The following CCND3 variants were observed in gnomAD, a reference collection of about 807,000 sequenced individuals.
CCND3 encodes the protein cyclin D3.
Under a neutral mutation model 28.7 loss-of-function variants are expected in CCND3, and 9 were observed. The observed-to-expected ratio is 0.31, with a 90% confidence interval of 0.19 to 0.55. The LOEUF (loss-of-function observed/expected upper bound fraction) is 0.55. Among genes scored for constraint, CCND3 ranks in the 20% least tolerant of loss-of-function variants. The probability of loss-of-function intolerance (pLI) is 0.93; values close to 1 mark genes in which losing one functional copy is unlikely to be tolerated. For synonymous variants in CCND3, 164 were observed against 163.9 expected, an observed-to-expected ratio of 1.00 and a Z score of 0.00; for missense variants, 315 against 385.8, an observed-to-expected ratio of 0.82 and a Z score of 1.54.
intron 1 of CCND3, among the ~76,000 whole-genome samples, chr6:41,992,930 A>G (rs1762697468): frequency 6.6e-6 from 1 of 152,010 alleles, no homozygotes; most frequent in Non-Finnish European, 1.5e-5. Flanking sequence ...GTTTTTAAAG[A>G]TGGAGTCTCA....
At chr6:41,940,071 G>A (rs1400538036) in intron 2 of CCND3, among the ~76,000 whole-genome samples, 1 of 152,198 alleles carries the variant, frequency 6.6e-6, no homozygotes, top group Non-Finnish European at 1.5e-5. Context: ...GTACTAGTGA[G>A]TGTAGACATG....
intron 1 of CCND3, among the ~76,000 whole-genome samples, chr6:41,991,490 G>A (rs1012802964): frequency 1.1e-4 from 16 of 152,130 alleles, no homozygotes; most frequent in Non-Finnish European, 2.4e-4. Context: ...CATAATAATT[G>A]TACATATTTA....
At chr6:41,947,416 C>T (rs1399783352) in intron 1 of CCND3, among the ~76,000 whole-genome samples, 4 of 151,970 alleles carry the variant, frequency 2.6e-5, no homozygotes, top group Admixed American at 1.3e-4. Context: ...TTCTCCAAAA[C>T]TGATATCCTA....
chr6:41,960,353 A>C (rs1296503433), intron 1 of CCND3, among the ~76,000 whole-genome samples: 1 of 152,238 alleles, frequency 6.6e-6, no homozygotes, highest in Non-Finnish European at 1.5e-5. Flanking sequence ...CTAAAAACTA[A>C]AAAGATTGTA....
chr6:42,034,332 G>A (rs1171429213), intron 1 of CCND3, among the ~76,000 whole-genome samples: 2 of 151,372 alleles, frequency 1.3e-5, no homozygotes, highest in East Asian at 3.9e-4. Context: ...ATTTTTAGTA[G>A]AGACAGGGTT....
rs756412695 is a variant in CCND3, at chr6:41,936,604, C to T, written c.666G>A (p.Gly222=). 4 of 1,614,194 alleles carry T rather than the reference C, an allele frequency of 2.5e-6. No homozygotes were observed. The South Asian group carries it at 3.3e-5, about 13-fold the overall frequency. The change falls in exon 4 of 5, where the codon GGG becomes GGA. Residue 222 remains glycine (G), a synonymous_variant. Transcript: ENST00000372991. This position sits in a 1 kb window ranked among gnomAD's most constrained non-coding sequence, Gnocchi z 4.4. ...VQGLGACSMS[G]DELTELLAGI... is the part of the protein sequence containing the mutation. Reference sequence around the variant, plus strand: ...CTGCCAGCAGCTCTGTGAGCTCATCCCCGGACATGGAGCAGGCACCCAGGC... The same window carrying T: ...CTGCCAGCAGCTCTGTGAGCTCATCTCCGGACATGGAGCAGGCACCCAGGC...
chr6:42,020,489 G>C (rs1305833222), intron 1 of CCND3, among the ~76,000 whole-genome samples: 1 of 152,124 alleles, frequency 6.6e-6, no homozygotes, highest in Non-Finnish European at 1.5e-5. Flanking sequence ...GCCCTCCCCA[G>C]ATCTAGACAC....
At chr6:42,049,202 ATTTTGTGTAT>A (rs1764651257), upstream of CCND3, among the ~76,000 whole-genome samples, 2 of 151,994 alleles carry the variant, frequency 1.3e-5, no homozygotes, top group South Asian at 4.2e-4. Context: ...CGCCCGGCTA[ATTTTGTGTAT>A]TTTTAGTAGA....
At chr6:41,968,838 C>T (rs1361432329) in intron 1 of CCND3, among the ~76,000 whole-genome samples, 1 of 152,262 alleles carries the variant, frequency 6.6e-6, no homozygotes, top group Non-Finnish European at 1.5e-5. Flanking sequence ...CGGAGTCTCA[C>T]TCTGTCACCC....
chr6:41,958,131 G>C (rs910134611), intron 1 of CCND3, among the ~76,000 whole-genome samples: 2 of 151,320 alleles, frequency 1.3e-5, no homozygotes, highest in African/African-American at 4.9e-5. Context: ...TGAGTAGCTG[G>C]GACTACAGTT....
At chr6:41,947,013 A>C (rs564504830) in intron 1 of CCND3, among the ~76,000 whole-genome samples, 1 of 152,010 alleles carries the variant, frequency 6.6e-6, no homozygotes, top group Non-Finnish European at 1.5e-5. Flanking sequence ...AGGTCAGGAG[A>C]TCGAGACCAG....
intron 1 of CCND3, among the ~76,000 whole-genome samples, chr6:41,954,918 T>C (rs1045429649): frequency 1.3e-5 from 2 of 152,148 alleles, no homozygotes; most frequent in African/African-American, 4.8e-5. Context: ...TGAGAATGAC[T>C]GGAATGAATT....
In CCND3 at chr6:41,935,793, G is replaced by A. The variant is rs1280385489; in HGVS notation, c.*147C>T. 7 of 767,230 alleles carry A rather than the reference G, an allele frequency of 9.1e-6. No homozygotes were observed. The highest frequency in any genetic ancestry group is 1.6e-5 in the South Asian group (1 of 62,484). The allele number at this position is 767,230 out of a possible 1,614,324, so 47.5% of individuals were successfully genotyped here. A position where few individuals can be genotyped will look rare whatever the true frequency, so the allele number is the denominator to read the frequency against. ...CGGGCCCCTTAGTGCACACTGCGGGGATGGGTAGGACCAGATCCCTTGGGC... is the reference window on the plus strand; with the variant it reads ...CGGGCCCCTTAGTGCACACTGCGGGAATGGGTAGGACCAGATCCCTTGGGC... On this transcript the variant is annotated 3_prime_UTR_variant, in exon 5 of 5. Coordinates refer to ENST00000372991, the MANE Select transcript of CCND3 (RefSeq NM_001760.5).
intron 1 of CCND3, among the ~76,000 whole-genome samples, chr6:41,997,329 G>A (rs1222091043): frequency 6.6e-6 from 1 of 152,114 alleles, no homozygotes; most frequent in Admixed American, 6.6e-5. Context: ...GTAACTAGTT[G>A]GCACCTTAAC....
intron 1 of CCND3, among the ~76,000 whole-genome samples, chr6:42,029,560 G>A (rs1296632246): frequency 2.6e-5 from 4 of 151,930 alleles, no homozygotes; most frequent in Admixed American, 1.3e-4. Context: ...CACTGGGGCC[G>A]GGCACAGTGG....
chr6:41,974,834 C>G (rs76348248), intron 1 of CCND3, among the ~76,000 whole-genome samples: 3 of 139,246 alleles, frequency 2.2e-5, no homozygotes, highest in African/African-American at 8.2e-5. Flanking sequence ...GCCCTGTTGC[C>G]CAGGCTGGAG....
chr6:41,968,690 T>A (rs776445220), intron 1 of CCND3, among the ~76,000 whole-genome samples: 1 of 152,238 alleles, frequency 6.6e-6, no homozygotes, highest in Non-Finnish European at 1.5e-5. Flanking sequence ...ATGTGTGTGA[T>A]CTTGATGTTT....
chr6:42,020,707 A>C (rs1040333265), intron 1 of CCND3, among the ~76,000 whole-genome samples: 2 of 152,056 alleles, frequency 1.3e-5, no homozygotes, highest in Non-Finnish European at 2.9e-5. Flanking sequence ...GAGAGCCTGC[A>C]CTCCAAGACT....
intron 1 of CCND3, among the ~76,000 whole-genome samples, chr6:41,987,517 C>CTGTG (rs139188810): frequency 3.3e-5 from 2 of 60,260 alleles, no homozygotes; most frequent in African/African-American, 1.8e-4. Flanking sequence ...CTCTCTCTCT[C>CTGTG]TGTGTGTGTG....
Sources: gnomAD v4.1 joint callset for allele counts (sites outside exome capture counted in the v4.1 genomes callset) on GRCh38, gnomAD v4.1.1 for gene constraint, Gnocchi (gnomAD v3.1) non-coding constraint, MANE v1.5 for transcripts, NCBI Gene and HGNC (gene_info 2026-07-23, HGNC 2026-07-21) for gene names.